Variants in PRKAG2 observed in about 807,000 individuals in gnomAD.
PRKAG2 encodes the protein 5'-AMP-activated protein kinase subunit gamma-2.
A neutral mutation model predicts 69.6 loss-of-function variants in PRKAG2; 26 were observed. The ratio of observed to expected loss-of-function variants is 0.37; its 90% CI spans 0.27 to 0.52. The LOEUF (loss-of-function observed/expected upper bound fraction) is 0.52. Ranked by LOEUF, PRKAG2 falls within the 20% of genes least tolerant of loss-of-function variation. The pLI, the probability that PRKAG2 is intolerant of heterozygous loss-of-function variation, is 0.90. For synonymous variants in PRKAG2, 293 were observed against 285.0 expected, an observed-to-expected ratio of 1.03 and a Z score of -0.28; for missense variants, 557 against 740.0, an observed-to-expected ratio of 0.75 and a Z score of 2.87.
chr7:151,801,697 C>T (rs2077847053), intron 1 of PRKAG2, among the ~76,000 whole-genome samples: 1 of 152,096 alleles, frequency 6.6e-6, no homozygotes, highest in South Asian at 2.1e-4. Context: ...TCATTCTGTT[C>T]TAGAGGGGCT....
intron 1 of PRKAG2, among the ~76,000 whole-genome samples, chr7:151,856,426 T>A (rs998864442): frequency 8.5e-5 from 13 of 152,228 alleles, no homozygotes; most frequent in Non-Finnish European, 1.8e-4. Context: ...GAAGGTATTT[T>A]GCCTTCTTCA....
chr7:151,760,725 G>A (rs566678506), intron 3 of PRKAG2, among the ~76,000 whole-genome samples: 19 of 152,168 alleles, frequency 1.2e-4, no homozygotes, highest in Admixed American at 3.3e-4. Flanking sequence ...CCACTCTCTC[G>A]CTCTGCTTTC....
intron 4 of PRKAG2, among the ~76,000 whole-genome samples, chr7:151,655,679 A>G (rs1180347699): frequency 6.6e-6 from 1 of 152,078 alleles, no homozygotes; most frequent in East Asian, 1.9e-4. Context: ...CAAGGATGGG[A>G]CTCATCTAAA....
chr7:151,700,811 G>A (rs555422535), intron 3 of PRKAG2, among the ~76,000 whole-genome samples: 9 of 152,142 alleles, frequency 5.9e-5, no homozygotes, highest in Middle Eastern at 3.2e-3. Flanking sequence ...CCCTCCACAC[G>A]GGGGGAGCCT....
At chr7:151,773,181 GGAAGGAAAGAAA>G (rs1315843844) in intron 3 of PRKAG2, among the ~76,000 whole-genome samples, 26 of 135,096 alleles carry the variant, frequency 1.9e-4, no homozygotes, top group Admixed American at 1.4e-3. Flanking sequence ...AAGGAAGGAA[GGAAGGAAAGAAA>G]GAAGGAAAGA....
At chr7:151,671,433 C>T (rs1199519963) in intron 4 of PRKAG2, among the ~76,000 whole-genome samples, 2 of 152,140 alleles carry the variant, frequency 1.3e-5, no homozygotes, top group East Asian at 1.9e-4. Context: ...ACAGAATCAG[C>T]CAAGCACATA....
intron 3 of PRKAG2, among the ~76,000 whole-genome samples, chr7:151,733,049 G>C (rs984207608): frequency 2.6e-5 from 4 of 152,204 alleles, no homozygotes; most frequent in African/African-American, 7.2e-5. Context: ...AATGGGTAAG[G>C]TTTAGACAGG....
rs181079150 is a variant in PRKAG2 at position 151,819,527 on chromosome 7, C to G, written c.115-32986G>C. ...AGATTAGCTGAGAATAGTTCGCCCC[C>G]CTGCCCCTCCCTGGGTACCTCCATC... On this transcript the variant is annotated intron_variant, in intron 1 of 15. Coordinates refer to ENST00000287878, the MANE Select transcript of PRKAG2 (RefSeq NM_016203.4). Among the ~76,000 whole-genome samples the G allele has an allele frequency of 1.1e-3, 167 of 152,278 alleles. No homozygotes were observed. The South Asian group carries it at 0.022, about 20-fold the overall frequency.
At chr7:151,816,588 G>C (rs1252948107) in intron 1 of PRKAG2, among the ~76,000 whole-genome samples, 2 of 152,240 alleles carry the variant, frequency 1.3e-5, no homozygotes. Flanking sequence ...GGATGTGCGG[G>C]ATTATTCTGG....
chr7:151,791,190 T>C (rs772850866), intron 1 of PRKAG2, among the ~76,000 whole-genome samples: 9 of 152,212 alleles, frequency 5.9e-5, no homozygotes, highest in Non-Finnish European at 1.3e-4. Context: ...ATTCTAATCT[T>C]GGCTCTCATC....
At chr7:151,761,903 T>C (rs973800315) in intron 3 of PRKAG2, among the ~76,000 whole-genome samples, 1 of 152,240 alleles carries the variant, frequency 6.6e-6, no homozygotes, top group African/African-American at 2.4e-5. Flanking sequence ...AAAGGAAATT[T>C]ATCCCCGTGT....
At chr7:151,721,393 C>T (rs898385409) in intron 3 of PRKAG2, among the ~76,000 whole-genome samples, 10 of 133,470 alleles carry the variant, frequency 7.5e-5, no homozygotes, top group Admixed American at 1.4e-4. Context: ...GGGCCAGGGC[C>T]GGGGCCAGGG....
intron 4 of PRKAG2, among the ~76,000 whole-genome samples, chr7:151,664,700 A>G (rs969292562): frequency 1.3e-5 from 2 of 152,218 alleles, no homozygotes; most frequent in African/African-American, 4.8e-5. Context: ...AGCCCAAGTT[A>G]GGGAAAAAGA....
rs559419156 is a variant in PRKAG2 at position 151,777,152 on chromosome 7, C to T, written c.466+4000G>A. On this transcript the variant is annotated intron_variant, in intron 3 of 15. Coordinates refer to ENST00000287878, the MANE Select transcript of PRKAG2 (RefSeq NM_016203.4). The surrounding 1 kb of genome is among the most constrained non-coding windows in gnomAD (Gnocchi z 4.3). ...AGCTTCCTCCTGTGCAGACCACAGG[C>T]CCCAATGGAAGGGGCCATGGCCAGG... is the stretch of plus-strand genomic sequence containing the variant. Among the ~76,000 whole-genome samples the T allele has an allele frequency of 2.9e-3, 436 of 152,294 alleles. 3 individuals are homozygous for T. Among genetic ancestry groups the T allele is most frequent in the African/African-American group, 9.0e-3 (372 of 41,562 alleles).
chr7:151,603,743 T>C (rs1816806371), intron 5 of PRKAG2, among the ~76,000 whole-genome samples: 1 of 152,102 alleles, frequency 6.6e-6, no homozygotes, highest in Admixed American at 6.5e-5. Flanking sequence ...AGTGAAGTCA[T>C]ATTTGTCAGG....
In PRKAG2 at chr7:151,595,456, T is replaced by C; in HGVS notation, c.755-2A>G. 6.2e-7 allele frequency: 1 copy of C among 1,610,064 alleles called. No homozygotes were observed. The highest frequency in any genetic ancestry group is 8.5e-7 in the Non-Finnish European group (1 of 1,176,738). ...CACCACTTTCTGAGTCTTCTACTGC[T>C]AAAAGAAAAAAAGGCAAAACATCAG... On this transcript the variant is annotated splice_acceptor_variant, in intron 5 of 15. Coordinates refer to ENST00000287878, the MANE Select transcript of PRKAG2 (RefSeq NM_016203.4). LOFTEE classifies it high-confidence loss of function.
chr7:151,691,056 G>A (rs1475196531), intron 3 of PRKAG2, among the ~76,000 whole-genome samples: 2 of 152,118 alleles, frequency 1.3e-5, no homozygotes, highest in African/African-American at 2.4e-5. Context: ...AAACATGACA[G>A]AGAGAAAACA....
In PRKAG2 at chr7:151,780,028, C is replaced by G. The variant is rs752121348; in HGVS notation, c.466+1124G>C. On this transcript the variant is annotated intron_variant, in intron 3 of 15. Coordinates refer to ENST00000287878, the MANE Select transcript of PRKAG2 (RefSeq NM_016203.4). This position sits in a 1 kb window ranked among gnomAD's most constrained non-coding sequence, Gnocchi z 4.2. ...TAGAGCATGGTCAGGACCTGCCCCC[C>G]ACAACACACACACAACCCACAGGCG... Among the ~76,000 whole-genome samples the G allele has an allele frequency of 1.9e-4, 29 of 152,046 alleles. No homozygotes were observed. The highest frequency in any genetic ancestry group is 5.6e-4 in the African/African-American group (23 of 41,378).
At chr7:151,715,346 AAATT>A (rs1796008625) in intron 3 of PRKAG2, among the ~76,000 whole-genome samples, 1 of 130,144 alleles carries the variant, frequency 7.7e-6, no homozygotes, top group Admixed American at 8.1e-5. Flanking sequence ...AAAAAAAAAA[AAATT>A]ATTATTATTT....
Sources: gnomAD v4.1 joint callset for allele counts (sites outside exome capture counted in the v4.1 genomes callset) on GRCh38, gnomAD v4.1.1 for gene constraint, Gnocchi (gnomAD v3.1) non-coding constraint, MANE v1.5 for transcripts, NCBI Gene and HGNC (gene_info 2026-07-23, HGNC 2026-07-21) for gene names.